The following ZNF236 variants were observed in gnomAD, a reference collection of about 807,000 sequenced individuals.
The protein encoded by ZNF236 is regulated by glucose.
In ZNF236, 50 loss-of-function variants were observed where a neutral mutation model predicts 191.2. The ratio of observed to expected loss-of-function variants is 0.26; its 90% CI spans 0.21 to 0.33. ZNF236 has a LOEUF of 0.33. Ranked by LOEUF, ZNF236 falls within the 10% of genes least tolerant of loss-of-function variation. ZNF236 has a pLI of 1.00. For synonymous variants in ZNF236, 907 were observed against 928.8 expected (o/e 0.98, Z 0.43); for missense variants, 1,754 against 2,374.5 (o/e 0.74, Z 5.43).
At chr18:76,859,926 G>T (rs1353063361) in intron 3 of ZNF236, among the ~76,000 whole-genome samples, 1 of 152,202 alleles carries the variant, frequency 6.6e-6, no homozygotes, top group Non-Finnish European at 1.5e-5. Flanking sequence ...TGAGAGCAGA[G>T]CCTGAGTGGG....
chr18:76,908,249 C>T, intron 13 of ZNF236, 71 bp from the exon 14 acceptor site: 1 of 1,512,300 alleles, frequency 6.6e-7, no homozygotes, highest in Non-Finnish European at 8.9e-7. Context: ...ACAACTCTTT[C>T]ACTGTAGTAT....
chr18:76,923,124 A>G lies in ZNF236; in HGVS notation c.3611A>G (p.Lys1204Arg). ...CCATACAAATGTGATGAATGTGGAA[A>G]GAGTTTTACTGTGAAATCCACTCTC... ...EKPYKCDECG[K>R]SFTVKSTLDC... is the part of the protein sequence containing the mutation. The change falls in exon 21 of 31, where the codon AAG becomes AGG. Residue 1204 changes from lysine to arginine, a missense_variant. By Grantham distance (26) the Lys-to-Arg change is conservative. Coordinates refer to ENST00000320610, the MANE Select transcript of ZNF236 (RefSeq NM_001306089.2). The G allele has an allele frequency of 6.2e-7, 1 of 1,614,114 alleles. No individual in the cohort carries two copies. The highest frequency in any genetic ancestry group is 8.5e-7 in the Non-Finnish European group (1 of 1,179,964).
chr18:76,968,795 T>G lies in ZNF236; in HGVS notation c.*456T>G. The stretch of plus-strand genomic sequence containing the variant: ...GAGGCATGAAGTTCAGAAAAAAAAG[T>G]GTTACAACACACAGGGAAGTTTTTT... On this transcript the variant is annotated 3_prime_UTR_variant, in exon 31 of 31. Transcript: ENST00000320610. 2.0e-6 allele frequency: 2 copies of G among 989,946 alleles called. No homozygotes were observed. Among genetic ancestry groups the G allele is most frequent in the Non-Finnish European group, 2.4e-6 (2 of 833,196 alleles). The allele number at this position is 989,946 out of a possible 1,614,324, so 61.3% of individuals were successfully genotyped here. A position where few individuals can be genotyped will look rare whatever the true frequency, so the allele number is the denominator to read the frequency against.
At chr18:76,908,274 C>G in intron 13 of ZNF236, 46 bp from the exon 14 acceptor site, 8 of 1,579,824 alleles carry the variant, frequency 5.1e-6, no homozygotes, top group Non-Finnish European at 6.9e-6. Context: ...GGCAAGTAAC[C>G]TTTGACAGCA....
rs35357931 is a variant in ZNF236, at chr18:76,927,384, G to A, written c.4281G>A (p.Ser1427=). Residue 1427 remains serine, a synonymous_variant, in exon 24 of 31, where the codon TCG becomes TCA. Coordinates refer to ENST00000320610, the MANE Select transcript of ZNF236 (RefSeq NM_001306089.2). This position sits in a 1 kb window ranked among gnomAD's most constrained non-coding sequence, Gnocchi z 5.4. ...LAPQNSSLQT[S]DSTVPASVVI... is the part of the protein sequence containing the mutation. The stretch of plus-strand genomic sequence containing the variant: ...CACAGAACAGCTCTCTCCAGACATC[G>A]GACAGCACGGTCCCTGCCAGTGTTG... 8.4e-3 allele frequency: 13,580 copies of A among 1,614,148 alleles called. 325 individuals carry two copies. Among genetic ancestry groups the A allele is most frequent in the African/African-American group, 0.058 (4,356 of 75,014 alleles).
chr18:76,913,622 C>T (rs921401336), intron 17 of ZNF236, 125 bp from the exon 18 acceptor site: 13 of 937,346 alleles, frequency 1.4e-5, no homozygotes, highest in Non-Finnish European at 2.1e-5. Context: ...GGTTCTATAA[C>T]AGTTGTGCCT....
chr18:76,898,401 G>C (rs1163582780), intron 10 of ZNF236, among the ~76,000 whole-genome samples: 1 of 152,190 alleles, frequency 6.6e-6, no homozygotes, highest in Non-Finnish European at 1.5e-5. Context: ...ATGTGGATGA[G>C]TATTTGACAA....
chr18:76,963,285 T>A (rs2122972586), intron 30 of ZNF236, among the ~76,000 whole-genome samples: 1 of 152,064 alleles, frequency 6.6e-6, no homozygotes, highest in South Asian at 2.1e-4. Flanking sequence ...AATCATAAAG[T>A]GATGCTGGAT....
At chr18:76,956,315 T>C (rs1333651433) in intron 28 of ZNF236, 133 bp downstream of exon 28, 25 of 979,406 alleles carry the variant, frequency 2.6e-5, no homozygotes, top group Non-Finnish European at 3.1e-5. Context: ...AAAAGGTCAC[T>C]AGATGTAGAT....
intron 1 of ZNF236, among the ~76,000 whole-genome samples, chr18:76,823,646 G>A (rs1171402213): frequency 2.6e-5 from 4 of 152,206 alleles, no homozygotes; most frequent in African/African-American, 9.6e-5. Context: ...AAGGAGAAAG[G>A]CCCAGAATTT....
intron 10 of ZNF236, among the ~76,000 whole-genome samples, chr18:76,898,640 C>T (rs1977502540): frequency 6.6e-6 from 1 of 152,192 alleles, no homozygotes; most frequent in South Asian, 2.1e-4. Flanking sequence ...TAAATGTTAG[C>T]TTACGTAATC....
chr18:76,871,325 A>G (rs769125218), intron 4 of ZNF236, among the ~76,000 whole-genome samples: 2 of 152,040 alleles, frequency 1.3e-5, no homozygotes, highest in Non-Finnish European at 2.9e-5. Flanking sequence ...TGGTATGCAG[A>G]TGGTGCGGAG....
chr18:76,954,879 C>G (rs1190483007), intron 27 of ZNF236, among the ~76,000 whole-genome samples: 2 of 152,156 alleles, frequency 1.3e-5, no homozygotes, highest in Non-Finnish European at 2.9e-5. Flanking sequence ...CTTTTTTTCC[C>G]CATTCCATTT....
intron 3 of ZNF236, among the ~76,000 whole-genome samples, chr18:76,863,226 A>G (rs539404999): frequency 6.6e-6 from 1 of 152,310 alleles, no homozygotes. Context: ...AGAAAATTCT[A>G]CATTTGCATC....
Position 76,927,992 on chromosome 18 carries a change from G to A in ZNF236, c.4480G>A (p.Glu1494Lys). ...GLVSPSGGPH[E>K]ITLTINNSSL... ...AGTGTCCCCCTCCGGCGGTCCCCAC[G>A]AGATCACCCTGACCATTAACAACTC... is the stretch of plus-strand genomic sequence containing the variant. The change falls in exon 25 of 31, where the codon GAG becomes AAG. Residue 1494 changes from glutamate (E) to lysine (K), a missense_variant. This residue lies in a region of ZNF236 where 606 missense variants were observed against 761.5 expected (regional missense o/e 0.80). Transcript: ENST00000320610. This position sits in a 1 kb window ranked among gnomAD's most constrained non-coding sequence, Gnocchi z 5.4. 6.2e-7 allele frequency: 1 copy of A among 1,613,702 alleles called. No individual in the cohort carries two copies. The highest frequency in any genetic ancestry group is 8.5e-7 in the Non-Finnish European group (1 of 1,179,860).
intron 5 of ZNF236, 92 bp downstream of exon 5, chr18:76,871,917 A>G (rs1408075831): frequency 2.7e-6 from 4 of 1,478,214 alleles, no homozygotes; most frequent in Non-Finnish European, 3.7e-6. Context: ...ATCTGATCCC[A>G]GCTTTCTCAT....
chr18:76,872,746 G>C (rs968929962), intron 5 of ZNF236, among the ~76,000 whole-genome samples: 1 of 152,128 alleles, frequency 6.6e-6, no homozygotes, highest in Non-Finnish European at 1.5e-5. Context: ...AAAATTGTAC[G>C]AATATTTTTA....
In ZNF236 at chr18:76,905,224, C is replaced by T. The variant is rs374009033; in HGVS notation, c.2106C>T (p.Leu702=). The part of the protein sequence containing the change: ...CGRGFVSAGV[L]KAHIRTHTGL... ...GAGGCTTTGTTTCTGCAGGCGTGCT[C>T]AAAGCACACATCAGAACACACACAG... Residue 702 remains leucine, a synonymous_variant, in exon 13 of 31, where the codon CTC becomes CTT. Coordinates refer to ENST00000320610, the MANE Select transcript of ZNF236 (RefSeq NM_001306089.2). 1.9e-6 allele frequency: 3 copies of T among 1,613,956 alleles called. No individual in the cohort carries two copies. The African/African-American group carries it at 4.0e-5, about 22-fold the overall frequency.
intron 1 of ZNF236, among the ~76,000 whole-genome samples, chr18:76,842,220 T>TTA (rs1975528287): frequency 7.7e-6 from 1 of 130,480 alleles, no homozygotes; most frequent in Non-Finnish European, 1.6e-5. Context: ...CCCATAAAGA[T>TTA]TATTTATTTT....
Sources: allele counts gnomAD v4.1 joint callset (sites outside exome capture counted in the v4.1 genomes callset), GRCh38; gene constraint gnomAD v4.1.1; regional missense constraint gnomAD v4.1.1; non-coding constraint Gnocchi (gnomAD v3.1); transcripts MANE v1.5; gene names NCBI Gene and HGNC (gene_info 2026-07-23, HGNC 2026-07-21).